The following MTHFD2L variants were observed in gnomAD, a reference collection of about 807,000 sequenced individuals.
MTHFD2L encodes methylenetetrahydrofolate dehydrogenase (NADP+ dependent) 2 like, also known as bifunctional methylenetetrahydrofolate dehydrogenase/cyclohydrolase 2, mitochondrial.
A neutral mutation model predicts 34.9 loss-of-function variants in MTHFD2L; 29 were observed. That is an observed-to-expected ratio of 0.83 (90% confidence interval 0.62 to 1.13). The LOEUF is 1.13. Among genes scored for constraint, MTHFD2L ranks in the 50% most tolerant of loss-of-function variants. MTHFD2L has a pLI of 0.00. For synonymous variants in MTHFD2L, 167 were observed against 155.7 expected, an observed-to-expected ratio of 1.07 and a Z score of -0.54; for missense variants, 481 against 446.5, an observed-to-expected ratio of 1.08 and a Z score of -0.70.
intron 7 of MTHFD2L, among the ~76,000 whole-genome samples, chr4:74,298,949 T>G (rs1055655398): frequency 6.6e-6 from 1 of 152,034 alleles, no homozygotes; most frequent in Non-Finnish European, 1.5e-5. Context: ...GTAACTTCAC[T>G]GAGCCACAGT....
chr4:74,122,482 C>T (rs192875451), upstream of MTHFD2L, among the ~76,000 whole-genome samples: 15 of 152,270 alleles, frequency 9.9e-5, no homozygotes, highest in East Asian at 2.3e-3. Context: ...ACACCAGGTA[C>T]CTCCCCCAAC....
intron 7 of MTHFD2L, among the ~76,000 whole-genome samples, chr4:74,299,023 GTAA>G (rs1178828428): frequency 6.6e-6 from 1 of 151,864 alleles, no homozygotes; most frequent in African/African-American, 2.4e-5. Flanking sequence ...TTCTTGGCAA[GTAA>G]TTAATAAGTA....
intron 6 of MTHFD2L, among the ~76,000 whole-genome samples, chr4:74,225,754 A>G (rs1179911004): frequency 6.6e-6 from 1 of 152,206 alleles, no homozygotes; most frequent in Non-Finnish European, 1.5e-5. Flanking sequence ...TTCAAGTTGT[A>G]TCAAGGAACA....
At chr4:74,117,897 A>G (rs1203826916) in intron 2 of MTHFD2L, among the ~76,000 whole-genome samples, 1 of 152,210 alleles carries the variant, frequency 6.6e-6, no homozygotes, top group Non-Finnish European at 1.5e-5. Context: ...TGCTTCCATG[A>G]ACTCTGTACT....
At chr4:74,262,073 AAAAC>A in intron 6 of MTHFD2L, among the ~76,000 whole-genome samples, 1 of 151,986 alleles carries the variant, frequency 6.6e-6, no homozygotes, top group East Asian at 1.9e-4. Context: ...GAAGGATGAA[AAAAC>A]AAACACACAT....
Position 74,257,403 on chromosome 4 carries a change from A to G in MTHFD2L, c.806-24022A>G, listed in dbSNP as rs72654821. 9.1e-3 allele frequency among the ~76,000 whole-genome samples: 1,393 copies of G among 152,306 alleles called. 8 individuals are homozygous for G. Among genetic ancestry groups the G allele is most frequent in the South Asian group, 0.035 (167 of 4,830 alleles). ...CAGGTGACTCGCTTTATCTTTAAGG[A>G]CACACAGAGGCTGAAAATGAAGTGA... On this transcript the variant is annotated intron_variant, in intron 6 of 7. Coordinates refer to ENST00000325278, the MANE Select transcript of MTHFD2L (RefSeq NM_001144978.3).
chr4:74,268,174 A>G, intron 6 of MTHFD2L: 1 of 983,304 alleles, frequency 1.0e-6, no homozygotes, highest in Non-Finnish European at 1.2e-6. Context: ...GGGAGAAGAC[A>G]CTGAGGTTTT....
intron 6 of MTHFD2L, among the ~76,000 whole-genome samples, chr4:74,270,729 A>C (rs1052884706): frequency 8.5e-5 from 13 of 152,296 alleles, no homozygotes; most frequent in East Asian, 1.9e-4. Context: ...AGTTCTAGAT[A>C]CCTGAGGAAT....
intron 7 of MTHFD2L, among the ~76,000 whole-genome samples, chr4:74,298,478 C>G (rs888357306): frequency 1.3e-5 from 2 of 151,964 alleles, no homozygotes; most frequent in African/African-American, 4.8e-5. Flanking sequence ...CCATTCCCTC[C>G]TCCTCCACCC....
At chr4:74,175,865 TATG>T (rs1393613677) in intron 3 of MTHFD2L, among the ~76,000 whole-genome samples, 1 of 152,082 alleles carries the variant, frequency 6.6e-6, no homozygotes, top group South Asian at 2.1e-4. Context: ...TGAGAAAGTG[TATG>T]ATATCTTTGC....
chr4:74,180,568 C>A, intron 3 of MTHFD2L: 1 of 206,618 alleles, frequency 4.8e-6, no homozygotes, highest in Non-Finnish European at 1.1e-5. Flanking sequence ...AAGAATTAAA[C>A]AGAATGTGCA....
At chr4:74,279,403 A>G (rs559736362) in intron 6 of MTHFD2L, among the ~76,000 whole-genome samples, 1 of 152,000 alleles carries the variant, frequency 6.6e-6, no homozygotes, top group African/African-American at 2.4e-5. Flanking sequence ...TTTTATTTTC[A>G]TGTTAAATTT....
chr4:74,190,991 C>T (rs1035765531), intron 3 of MTHFD2L, among the ~76,000 whole-genome samples: 1 of 152,114 alleles, frequency 6.6e-6, no homozygotes, highest in Non-Finnish European at 1.5e-5. Context: ...ACCTCTGCCT[C>T]CTGGGTTCAA....
At chr4:74,157,549 T>C, upstream of MTHFD2L, 1 of 404,748 alleles carries the variant, frequency 2.5e-6, no homozygotes, top group African/African-American at 2.1e-5. Context: ...CAATATTTCC[T>C]TCCAAAAGTG....
At chr4:74,298,990 TATTA>T (rs1443595444) in intron 7 of MTHFD2L, among the ~76,000 whole-genome samples, 1 of 151,960 alleles carries the variant, frequency 6.6e-6, no homozygotes, top group African/African-American at 2.4e-5. Flanking sequence ...AATAATTAAA[TATTA>T]ATTATTAAAA....
chr4:74,207,523 C>T (rs1735547086), intron 5 of MTHFD2L, among the ~76,000 whole-genome samples: 2 of 152,130 alleles, frequency 1.3e-5, no homozygotes, highest in African/African-American at 4.8e-5. Flanking sequence ...AAGACTTAGT[C>T]CTGTCTCTCC....
chr4:74,279,701 A>G (rs1306307911), intron 6 of MTHFD2L, among the ~76,000 whole-genome samples: 1 of 152,052 alleles, frequency 6.6e-6, no homozygotes, highest in African/African-American at 2.4e-5. Flanking sequence ...AGCTATACTC[A>G]ATGTATGTCT....
intron 1 of MTHFD2L, among the ~76,000 whole-genome samples, chr4:74,171,734 C>G (rs761210217): frequency 6.6e-6 from 1 of 151,966 alleles, no homozygotes; most frequent in Non-Finnish European, 1.5e-5. Flanking sequence ...ACCCAGGAGG[C>G]GGAGGTTGTA....
At chr4:74,186,282 A>G (rs913642000) in intron 3 of MTHFD2L, among the ~76,000 whole-genome samples, 2 of 151,992 alleles carry the variant, frequency 1.3e-5, no homozygotes, top group African/African-American at 4.8e-5. Flanking sequence ...ATAATTGATT[A>G]TGAAACACTG....
Sources: gnomAD v4.1 joint callset for allele counts (sites outside exome capture counted in the v4.1 genomes callset) on GRCh38, gnomAD v4.1.1 for gene constraint, MANE v1.5 for transcripts, NCBI Gene and HGNC (gene_info 2026-07-23, HGNC 2026-07-21) for gene names.